Variants in PTPRN2 observed in about 807,000 individuals in gnomAD.
The protein encoded by PTPRN2 is receptor-type tyrosine-protein phosphatase N2.
Under a neutral mutation model 118.8 loss-of-function variants are expected in PTPRN2, and 74 were observed. That is an observed-to-expected ratio of 0.62 (90% CI 0.52 to 0.76). The LOEUF (loss-of-function observed/expected upper bound fraction) is 0.76. PTPRN2 is among the 30% of genes least tolerant of loss of function. PTPRN2 has a pLI of 0.00. For missense variants in PTPRN2, 1,481 were observed against 1,394.4 expected (o/e 1.06, Z -0.99); for synonymous variants, 641 against 608.0 (o/e 1.05, Z -0.80).
intron 21 of PTPRN2, among the ~76,000 whole-genome samples, chr7:157,552,209 G>A (rs1798668275): frequency 6.6e-6 from 1 of 152,160 alleles, no homozygotes; most frequent in Non-Finnish European, 1.5e-5. Context: ...AAATCATCCA[G>A]AAGAAATGGC....
At chr7:158,435,243 C>T (rs913607195) in intron 2 of PTPRN2, among the ~76,000 whole-genome samples, 15 of 152,260 alleles carry the variant, frequency 9.9e-5, no homozygotes, top group African/African-American at 3.6e-4. Context: ...ACTGCTGCAA[C>T]CCAATAACCA....
chr7:158,154,764 GTATA>G (rs1315500113), intron 6 of PTPRN2, among the ~76,000 whole-genome samples: 2 of 24,154 alleles, frequency 8.3e-5, no homozygotes, highest in Non-Finnish European at 2.8e-4. Flanking sequence ...AAAATCATAA[GTATA>G]TAAGAGAAAA....
chr7:158,253,316 G>C (rs889560030), intron 3 of PTPRN2, among the ~76,000 whole-genome samples: 6 of 152,194 alleles, frequency 3.9e-5, no homozygotes, highest in Admixed American at 3.3e-4. Context: ...AGGACTGACC[G>C]GGGCCAGCAC....
chr7:157,604,581 G>A (rs143659387), intron 15 of PTPRN2, among the ~76,000 whole-genome samples: 3 of 152,280 alleles, frequency 2.0e-5, no homozygotes, highest in Non-Finnish European at 2.9e-5. Context: ...TTAAGCAATC[G>A]CCCGCGTTTC....
At position 158,171,316 on chromosome 7, in the gene PTPRN2, T is replaced by TACACAC. The variant is rs1464576505; in HGVS notation, c.550-4026_550-4025insGTGTGT. Among the ~76,000 whole-genome samples, 8 of 92,074 alleles carry TACACAC rather than the reference T, an allele frequency of 8.7e-5. No individual in the cohort carries two copies. In the South Asian group the frequency reaches 1.5e-3, roughly 17 times the overall value. The allele number at this position is 92,074 out of a possible 152,430, so 60.4% of individuals were successfully genotyped here. A position where few individuals can be genotyped will look rare whatever the true frequency, so the allele number is the denominator to read the frequency against. On this transcript the variant is annotated intron_variant, in intron 5 of 22. Transcript: ENST00000389418. The stretch of plus-strand genomic sequence containing the variant: ...ACACATATATATACACACATATATA[T>TACACAC]ATATATATATATATATATATATATA...
At chr7:157,941,820 A>C (rs1181575840) in intron 11 of PTPRN2, among the ~76,000 whole-genome samples, 2 of 151,948 alleles carry the variant, frequency 1.3e-5, no homozygotes, top group Non-Finnish European at 2.9e-5. Flanking sequence ...GCCTCTGCCC[A>C]CCTTCACCAC....
intron 10 of PTPRN2, among the ~76,000 whole-genome samples, chr7:158,108,452 G>A (rs1187833178): frequency 2.6e-5 from 4 of 152,068 alleles, no homozygotes; most frequent in Non-Finnish European, 4.4e-5. Flanking sequence ...CTGCTGAGCA[G>A]TCCTACCTGG....
intron 11 of PTPRN2, among the ~76,000 whole-genome samples, chr7:158,070,959 G>C (rs1328604650): frequency 8.5e-6 from 1 of 117,096 alleles, no homozygotes; most frequent in Admixed American, 8.0e-5. Flanking sequence ...CGTGGTGGTG[G>C]AGGTGCTCAC....
At chr7:158,523,258 A>G (rs557420030) in intron 1 of PTPRN2, among the ~76,000 whole-genome samples, 2 of 152,320 alleles carry the variant, frequency 1.3e-5, no homozygotes, top group East Asian at 3.9e-4. Context: ...CTCAGCAGCC[A>G]GAGTGGTGCA....
At chr7:158,189,672 C>G (rs1263731531) in intron 5 of PTPRN2, among the ~76,000 whole-genome samples, 1 of 152,228 alleles carries the variant, frequency 6.6e-6, no homozygotes, top group South Asian at 2.1e-4. Context: ...CCCCTTCCCT[C>G]GTATGTTACT....
rs79858965 is a variant in PTPRN2, at chr7:158,205,871, G to A, written c.278-598C>T. On this transcript the variant is annotated intron_variant, in intron 3 of 22. Coordinates refer to ENST00000389418, the MANE Select transcript of PTPRN2 (RefSeq NM_002847.5). ...GCAAAACTCAACCAGAGCCCATGGAGGGAATATTTAGACCAGCCCTAGACA... is the reference window on the plus strand; with the variant it reads ...GCAAAACTCAACCAGAGCCCATGGAAGGAATATTTAGACCAGCCCTAGACA... Among the ~76,000 whole-genome samples the A allele has an allele frequency of 4.3e-3, 658 of 152,262 alleles. 6 individuals carry two copies. The highest frequency in any genetic ancestry group is 0.015 in the African/African-American group (623 of 41,550).
chr7:158,138,600 C>A, intron 6 of PTPRN2, 85 bp from the exon 7 acceptor site: 2 of 1,308,394 alleles, frequency 1.5e-6, no homozygotes, highest in Non-Finnish European at 2.1e-6. Context: ...GTGTGGTGGG[C>A]GTCTGCGGCG....
intron 17 of PTPRN2, among the ~76,000 whole-genome samples, chr7:157,580,973 G>A (rs991998284): frequency 0.014 from 269 of 18,824 alleles, 4 homozygotes; most frequent in African/African-American, 0.052. Flanking sequence ...CCTGCACACC[G>A]CAGCCCCTGC....
rs981741463 is a variant in PTPRN2 at position 157,598,843 on chromosome 7, G to A, written c.2419-3528C>T. Among the ~76,000 whole-genome samples the A allele has an allele frequency of 2.0e-5, 3 of 152,132 alleles. No individual in the cohort carries two copies. Among genetic ancestry groups the A allele is most frequent in the African/African-American group, 7.2e-5 (3 of 41,422 alleles). ...GTGCGGGGCCAAGCATCTGAATGGC[G>A]AGGTGCGGTCATTTCTGAGCGCTTT... On this transcript the variant is annotated intron_variant, in intron 16 of 22. Coordinates refer to ENST00000389418, the MANE Select transcript of PTPRN2 (RefSeq NM_002847.5). The surrounding 1 kb of genome is among the most constrained non-coding windows in gnomAD (Gnocchi z 5.2).
intron 6 of PTPRN2, among the ~76,000 whole-genome samples, chr7:158,143,700 C>T (rs1189899372): frequency 6.6e-6 from 1 of 152,146 alleles, no homozygotes; most frequent in African/African-American, 2.4e-5. Flanking sequence ...CCAGAGGCCT[C>T]GTCTGGGGCA....
At chr7:158,180,278 T>G (rs1339609623) in intron 5 of PTPRN2, among the ~76,000 whole-genome samples, 1 of 152,256 alleles carries the variant, frequency 6.6e-6, no homozygotes, top group Non-Finnish European at 1.5e-5. Context: ...AAAGATCAGT[T>G]GGTTGTAAGT....
At chr7:157,945,553 C>A (rs947575358) in intron 11 of PTPRN2, among the ~76,000 whole-genome samples, 1 of 152,122 alleles carries the variant, frequency 6.6e-6, no homozygotes, top group South Asian at 2.1e-4. Flanking sequence ...CGGACAATGG[C>A]GCCTCCAACT....
chr7:157,909,389 G>GT (rs1280988465), intron 11 of PTPRN2, among the ~76,000 whole-genome samples: 1 of 152,150 alleles, frequency 6.6e-6, no homozygotes, highest in Non-Finnish European at 1.5e-5. Flanking sequence ...TATACACTGG[G>GT]GGGGGGAGGA....
intron 12 of PTPRN2, among the ~76,000 whole-genome samples, chr7:157,866,845 C>A (rs1306129922): frequency 8.3e-6 from 1 of 120,624 alleles, no homozygotes; most frequent in East Asian, 2.6e-4. Flanking sequence ...CCCCCGACGC[C>A]CTGGATACAC....
Sources: allele counts gnomAD v4.1 joint callset (sites outside exome capture counted in the v4.1 genomes callset), GRCh38; gene constraint gnomAD v4.1.1; non-coding constraint Gnocchi (gnomAD v3.1); transcripts MANE v1.5; gene names NCBI Gene and HGNC (gene_info 2026-07-23, HGNC 2026-07-21).